CCND1: variants seen among roughly 807,000 people sequenced by gnomAD.
CCND1 encodes cyclin D1, also known as G1/S-specific cyclin-D1.
CCND1 carries 9 observed loss-of-function variants against 26.1 expected under a neutral mutation model. The ratio of observed to expected loss-of-function variants is 0.35; its 90% CI spans 0.21 to 0.60. CCND1 has a LOEUF of 0.60. Ranked by LOEUF, CCND1 falls within the 20% of genes least tolerant of loss-of-function variation. The pLI, the probability that CCND1 is intolerant of heterozygous loss-of-function variation, is 0.79. For missense variants in CCND1, 335 were observed against 392.9 expected (o/e 0.85, Z 1.25); for synonymous variants, 194 against 166.1 (o/e 1.17, Z -1.29).
At position 69,651,983 on chromosome 11, in the gene CCND1, C is replaced by CT. The variant is rs1308915003; in HGVS notation, c.*704dup. ...AGCGTAGCGTGCCCGTGTGCATGTC[C>CT]TTTGCGCCTGTGACCACCACCCCAA... On this transcript the variant is annotated 3_prime_UTR_variant, in exon 5 of 5. Transcript: ENST00000227507. 4.3e-5 allele frequency: 10 copies of CT among 232,996 alleles called. No homozygotes were observed. Among genetic ancestry groups the CT allele is most frequent in the Non-Finnish European group, 7.6e-5 (9 of 117,992 alleles). 14.4% of individuals were successfully genotyped at this position (232,996 alleles called of 1,614,324 possible). A position where few individuals can be genotyped will look rare whatever the true frequency, so the allele number is the denominator to read the frequency against.
At chr11:69,647,244 G>T (rs1214491285) in intron 3 of CCND1, among the ~76,000 whole-genome samples, 1 of 152,230 alleles carries the variant, frequency 6.6e-6, no homozygotes, top group African/African-American at 2.4e-5. Context: ...TAGAGGGCCC[G>T]GGTGGAGTTG....
intron 4 of CCND1, among the ~76,000 whole-genome samples, chr11:69,650,459 C>G (rs1178745441): frequency 6.6e-6 from 1 of 152,224 alleles, no homozygotes; most frequent in African/African-American, 2.4e-5. Flanking sequence ...GCAGGACTTC[C>G]AGGAGCGTCC....
At chr11:69,650,594 G>T (rs1482233865) in intron 4 of CCND1, among the ~76,000 whole-genome samples, 2 of 152,210 alleles carry the variant, frequency 1.3e-5, no homozygotes. Context: ...GGGATCAATG[G>T]TCCAGGTCCC....
rs1164855892 is a variant in CCND1 at position 69,653,176 on chromosome 11, G to C, written c.*1894G>C. ...GGACAGGCGGGAGGAGGTGTGAGGA[G>C]GAGGCTCCCGAGGGGAAGGGGCGGT... On this transcript the variant is annotated 3_prime_UTR_variant, in exon 5 of 5. Transcript: ENST00000227507. 1 of 648,452 alleles carries C rather than the reference G, an allele frequency of 1.5e-6. No homozygotes were observed. The highest frequency in any genetic ancestry group is 2.4e-5 in the Admixed American group (1 of 41,522). 40.2% of individuals were successfully genotyped at this position (648,452 alleles called of 1,614,324 possible).
At chr11:69,647,462 T>C (rs1855797334) in intron 3 of CCND1, among the ~76,000 whole-genome samples, 1 of 151,314 alleles carries the variant, frequency 6.6e-6, no homozygotes, top group Non-Finnish European at 1.5e-5. Context: ...GCTTCATCAG[T>C]ACCCTGCAGC....
intron 4 of CCND1, among the ~76,000 whole-genome samples, chr11:69,649,753 G>T (rs1748150124): frequency 6.6e-6 from 1 of 152,178 alleles, no homozygotes; most frequent in Admixed American, 6.5e-5. Flanking sequence ...TGTGACCCTG[G>T]AGTGGGTCAT....
chr11:69,648,255 G>T (rs1855810569), intron 4 of CCND1, 113 bp downstream of exon 4: 3 of 1,277,428 alleles, frequency 2.3e-6, no homozygotes, highest in Non-Finnish European at 3.3e-6. Flanking sequence ...CAAGGTTGGG[G>T]CTGGGGCTGG....
intron 1 of CCND1, among the ~76,000 whole-genome samples, chr11:69,641,795 G>A (rs1297273037): frequency 6.6e-6 from 1 of 152,148 alleles, no homozygotes; most frequent in Non-Finnish European, 1.5e-5. Flanking sequence ...CAATGGGCCC[G>A]AGGGTGCGGG....
At position 69,643,258 on chromosome 11, in the gene CCND1, ACCCCGCCGCC is replaced by A; in HGVS notation, c.414+20_414+29del. On this transcript the variant is annotated intron_variant, in intron 2 of 4. Transcript: ENST00000227507. ...CCGAGGAGCTGCTGGTAACCACTGGACCCCGCCGCCCCCCGCCCCCCGCGAGCCGCACGCA... is the reference window on the plus strand; with the variant it reads ...CCGAGGAGCTGCTGGTAACCACTGGACCCCGCCCCCCGCGAGCCGCACGCA... The A allele has an allele frequency of 1.3e-6, 2 of 1,537,904 alleles. No homozygotes were observed. Among genetic ancestry groups the A allele is most frequent in the Non-Finnish European group, 1.8e-6 (2 of 1,142,646 alleles).
intron 4 of CCND1, 62 bp from the exon 5 acceptor site, chr11:69,651,056 C>T (rs1351371882): frequency 6.7e-7 from 1 of 1,495,324 alleles, no homozygotes; most frequent in Non-Finnish European, 9.1e-7. Flanking sequence ...GGAAGGGGCC[C>T]TCGCTGCAGG....
At chr11:69,644,986 C>A (rs1855760905) in intron 3 of CCND1, among the ~76,000 whole-genome samples, 1 of 152,202 alleles carries the variant, frequency 6.6e-6, no homozygotes, top group Non-Finnish European at 1.5e-5. Context: ...CCCCCCAAGC[C>A]TACTTCAGAG....
intron 3 of CCND1, 113 bp downstream of exon 3, chr11:69,644,104 C>G (rs757613594): frequency 2.9e-5 from 29 of 1,015,116 alleles, no homozygotes; most frequent in Non-Finnish European, 4.0e-5. Flanking sequence ...TCCCCAGACC[C>G]CCTCCTGCGC....
In CCND1 at chr11:69,650,568, G is replaced by A. The variant is rs3212888; in HGVS notation, c.724-550G>A. ...GGCCCCGGGGCACAGGCCTGAGCGG[G>A]AGAGGATGGAGGGGAGGGATCAATG... On this transcript the variant is annotated intron_variant, in intron 4 of 4. Coordinates refer to ENST00000227507, the MANE Select transcript of CCND1 (RefSeq NM_053056.3). Among the ~76,000 whole-genome samples the A allele has an allele frequency of 7.8e-3, 1,182 of 152,350 alleles. 19 individuals are homozygous for A. The highest frequency in any genetic ancestry group is 0.027 in the African/African-American group (1,142 of 41,576).
Position 69,652,314 on chromosome 11 carries a change from G to A in CCND1, c.*1032G>A, listed in dbSNP as rs1407137145. On this transcript the variant is annotated 3_prime_UTR_variant, in exon 5 of 5. Transcript: ENST00000227507. ...TTTCCAAGCACTTTCAGTCCAATAG[G>A]TGTAGGAAATAGCGCTGTTTTTGTT... is the stretch of plus-strand genomic sequence containing the variant. 4.3e-6 allele frequency: 1 copy of A among 233,492 alleles called. No homozygotes were observed. Among genetic ancestry groups the A allele is most frequent in the Non-Finnish European group, 8.5e-6 (1 of 118,048 alleles). The allele number at this position is 233,492 out of a possible 1,614,324, so 14.5% of individuals were successfully genotyped here.
rs1050517742 is a variant in CCND1, at chr11:69,643,571, G to T, written c.415-261G>T. The T allele has an allele frequency of 4.4e-5, 20 of 451,678 alleles. 1 individual carries two copies. Among genetic ancestry groups the T allele is most frequent in the Non-Finnish European group, 7.3e-5 (19 of 259,970 alleles). The allele number at this position is 451,678 out of a possible 1,614,324, so 28.0% of individuals were successfully genotyped here. On this transcript the variant is annotated intron_variant, in intron 2 of 4. Transcript: ENST00000227507. ...GAGCCTCCAGTTCCAGGTGGTGGGAGGTCTTTTTGTTTCCACTTGCAGAGT... is the reference window on the plus strand; with the variant it reads ...GAGCCTCCAGTTCCAGGTGGTGGGATGTCTTTTTGTTTCCACTTGCAGAGT...
intron 3 of CCND1, among the ~76,000 whole-genome samples, chr11:69,647,609 T>G (rs1220085363): frequency 6.6e-6 from 1 of 152,230 alleles, no homozygotes; most frequent in Admixed American, 6.5e-5. Flanking sequence ...GCGACATCTC[T>G]ACGTCCTCAT....
chr11:69,651,913 A>G lies in CCND1; in HGVS notation c.*631A>G. The G allele has an allele frequency of 4.3e-6, 1 of 232,974 alleles. No individual in the cohort carries two copies. The allele number at this position is 232,974 out of a possible 1,614,324, so 14.4% of individuals were successfully genotyped here. A position where few individuals can be genotyped will look rare whatever the true frequency, so the allele number is the denominator to read the frequency against. ...ATTATATTCCGTAGGTAGATGTGTAACCTCTTCACCTTATTCATGGCTGAA... is the reference window on the plus strand; with the variant it reads ...ATTATATTCCGTAGGTAGATGTGTAGCCTCTTCACCTTATTCATGGCTGAA... On this transcript the variant is annotated 3_prime_UTR_variant, in exon 5 of 5. Transcript: ENST00000227507.
rs764335132 is a variant in CCND1 at position 69,643,236 on chromosome 11, A to T, written c.404A>T (p.Glu135Val). ...TACACCGACAACTCCATCCGGCCCG[A>T]GGAGCTGCTGGTAACCACTGGACCC... ...CIYTDNSIRP[E>V]ELLQMELLLV... Residue 135 changes from glutamate to valine, a missense_variant, in exon 2 of 5, where the codon GAG becomes GTG. Coordinates refer to ENST00000227507, the MANE Select transcript of CCND1 (RefSeq NM_053056.3). 2 of 1,581,056 alleles carry T rather than the reference A, an allele frequency of 1.3e-6. No homozygotes were observed. The highest frequency in any genetic ancestry group is 1.7e-6 in the Non-Finnish European group (2 of 1,164,766).
chr11:69,650,924 A>T (rs1855845800), intron 4 of CCND1, among the ~76,000 whole-genome samples, 194 bp from the exon 5 acceptor site: 1 of 151,996 alleles, frequency 6.6e-6, no homozygotes, highest in Non-Finnish European at 1.5e-5. Context: ...TTTGGTCCTG[A>T]GTGTCCTGAC....
Sources: allele counts gnomAD v4.1 joint callset (sites outside exome capture counted in the v4.1 genomes callset), GRCh38; gene constraint gnomAD v4.1.1; transcripts MANE v1.5; gene names NCBI Gene and HGNC (gene_info 2026-07-23, HGNC 2026-07-21).